Variants in ATXN10 observed in about 807,000 individuals in gnomAD.
ATXN10 encodes ataxin-10.
A neutral mutation model predicts 52.9 loss-of-function variants in ATXN10; 28 were observed. The ratio of observed to expected loss-of-function variants is 0.53; its 90% CI spans 0.39 to 0.73. The LOEUF is 0.73. ATXN10 is among the 30% of genes least tolerant of loss of function. The probability of loss-of-function intolerance (pLI) is 0.00; values close to 1 mark genes in which losing one functional copy is unlikely to be tolerated. For missense variants in ATXN10, 565 were observed against 577.0 expected (o/e 0.98, Z 0.21); for synonymous variants, 226 against 221.5 (o/e 1.02, Z -0.18).
chr22:45,793,050 C>A, intron 9 of ATXN10: 1 of 274,400 alleles, frequency 3.6e-6, no homozygotes. Context: ...GCAGTTGCTT[C>A]TCAGGACCGT....
rs1414591132 is a variant in ATXN10 at position 45,843,274 on chromosome 22, T to C, written c.1425+96T>C. ...AAGCACGAGGCTCTTTGTAAGAATA[T>C]GGATGGGAGAATTGTGCCCTCTATA... is the stretch of plus-strand genomic sequence containing the variant. On this transcript the variant is annotated intron_variant, in intron 11 of 11. Transcript: ENST00000252934. This position sits in a 1 kb window ranked among gnomAD's most constrained non-coding sequence, Gnocchi z 4.5. 1.5e-6 allele frequency: 2 copies of C among 1,339,914 alleles called. No individual in the cohort carries two copies. The highest frequency in any genetic ancestry group is 2.1e-6 in the Non-Finnish European group (2 of 942,324). The allele number at this position is 1,339,914 out of a possible 1,614,324, so 83.0% of individuals were successfully genotyped here.
At chr22:45,704,062 T>G (rs1168679116) in intron 5 of ATXN10, 1 of 151,762 alleles carries the variant, frequency 6.6e-6, no homozygotes, top group Non-Finnish European at 1.5e-5. Flanking sequence ...TCCCCTAGAC[T>G]CTGAAGATAC....
At chr22:45,695,731 A>G (rs1281194410) in intron 3 of ATXN10, among the ~76,000 whole-genome samples, 2 of 151,896 alleles carry the variant, frequency 1.3e-5, no homozygotes, top group African/African-American at 4.8e-5. Flanking sequence ...TGACCTCATA[A>G]TCTACCCACC....
At chr22:45,748,188 A>G (rs2146812153) in intron 9 of ATXN10, among the ~76,000 whole-genome samples, 1 of 152,250 alleles carries the variant, frequency 6.6e-6, no homozygotes, top group Non-Finnish European at 1.5e-5. Context: ...TTAAAAAAAA[A>G]AAAAAGTATA....
At position 45,823,832 on chromosome 22, in the gene ATXN10, A is replaced by G. The variant is rs913735920; in HGVS notation, c.1237+16810A>G. On this transcript the variant is annotated intron_variant, in intron 10 of 11. Coordinates refer to ENST00000252934, the MANE Select transcript of ATXN10 (RefSeq NM_013236.4). This position sits in a 1 kb window ranked among gnomAD's most constrained non-coding sequence, Gnocchi z 4.9. The stretch of plus-strand genomic sequence containing the variant: ...CAAAAAAGAGACACTGTGTGCTCCC[A>G]TGAAGGTTTCAGTATGGTAGGTGGG... Among the ~76,000 whole-genome samples the G allele has an allele frequency of 6.6e-6, 1 of 152,186 alleles. No homozygotes were observed. The highest frequency in any genetic ancestry group is 6.5e-5 in the Admixed American group (1 of 15,278).
chr22:45,751,737 C>A (rs60265006), intron 9 of ATXN10, among the ~76,000 whole-genome samples: 3 of 14,602 alleles, frequency 2.1e-4, no homozygotes, highest in Non-Finnish European at 2.9e-4. Context: ...CTACCTTTTT[C>A]TGGAAAAAAA....
At chr22:45,791,470 T>A (rs1218435052) in intron 9 of ATXN10, among the ~76,000 whole-genome samples, 1 of 152,118 alleles carries the variant, frequency 6.6e-6, no homozygotes, top group African/African-American at 2.4e-5. Flanking sequence ...TTAAAAAAGT[T>A]CTCTAGTTTT....
intron 1 of ATXN10, 56 bp from the exon 2 acceptor site, chr22:45,689,656 C>T (rs1436161951): frequency 3.3e-6 from 5 of 1,531,424 alleles, no homozygotes; most frequent in Non-Finnish European, 9.0e-7. Flanking sequence ...CTGAATAGGA[C>T]ATTTGGAAAT....
At position 45,832,365 on chromosome 22, in the gene ATXN10, A is replaced by G. The variant is rs1165909058; in HGVS notation, c.1238-10626A>G. On this transcript the variant is annotated intron_variant, in intron 10 of 11. Transcript: ENST00000252934. The stretch of plus-strand genomic sequence containing the variant: ...TGGAGGCGCTGTGTGGCCTGCTCCC[A>G]TCTGCACCCTCCTCCTCAGCTCTCC... Among the ~76,000 whole-genome samples, 3 of 152,192 alleles carry G rather than the reference A, an allele frequency of 2.0e-5. No homozygotes were observed. In the East Asian group the frequency reaches 5.8e-4, roughly 29 times the overall value.
chr22:45,798,431 T>TA (rs1288143340), intron 9 of ATXN10, among the ~76,000 whole-genome samples: 3 of 152,272 alleles, frequency 2.0e-5, no homozygotes, highest in South Asian at 4.1e-4. Flanking sequence ...GAGGAAACAA[T>TA]ATGATTATCT....
chr22:45,673,004 C>T (rs973546423), intron 1 of ATXN10: 2 of 152,224 alleles, frequency 1.3e-5, no homozygotes, highest in African/African-American at 2.4e-5. Context: ...CTTGTTCTGT[C>T]CTCTGGGCCT....
At chr22:45,832,354 G>A (rs188832612) in intron 10 of ATXN10, among the ~76,000 whole-genome samples, 8 of 152,254 alleles carry the variant, frequency 5.3e-5, no homozygotes, top group Admixed American at 3.9e-4. Flanking sequence ...GGCGCTGTGT[G>A]GCCTGCTCCC....
chr22:45,793,912 T>C, intron 9 of ATXN10: 2 of 1,217,344 alleles, frequency 1.6e-6, no homozygotes, highest in Non-Finnish European at 2.1e-6. Flanking sequence ...GAGGTGCTGC[T>C]CCTTGCAGAG....
rs947072318 is a variant in ATXN10, at chr22:45,787,122, G to A, written c.1174-19837G>A. On this transcript the variant is annotated intron_variant, in intron 9 of 11. Coordinates refer to ENST00000252934, the MANE Select transcript of ATXN10 (RefSeq NM_013236.4). This position sits in a 1 kb window ranked among gnomAD's most constrained non-coding sequence, Gnocchi z 4.2. ...ATTGTATGGAAAGATCTAAAATACT[G>A]TATATATAAAGATGATCTTCATTTT... Among the ~76,000 whole-genome samples, 1 of 152,112 alleles carries A rather than the reference G, an allele frequency of 6.6e-6. No individual in the cohort carries two copies. The highest frequency in any genetic ancestry group is 2.4e-5 in the African/African-American group (1 of 41,410).
At chr22:45,694,331 G>A (rs1244842668) in intron 3 of ATXN10, among the ~76,000 whole-genome samples, 2 of 152,026 alleles carry the variant, frequency 1.3e-5, no homozygotes, top group African/African-American at 4.8e-5. Context: ...AATACTTTAT[G>A]GGTAAACCTA....
intron 5 of ATXN10, among the ~76,000 whole-genome samples, chr22:45,707,792 TG>T (rs1181132164): frequency 3.9e-5 from 6 of 152,134 alleles, no homozygotes; most frequent in African/African-American, 1.4e-4. Context: ...CTTTGATTTA[TG>T]TGAGAGGAAC....
intron 7 of ATXN10, among the ~76,000 whole-genome samples, chr22:45,731,027 G>A (rs1304025506): frequency 6.6e-6 from 1 of 152,178 alleles, no homozygotes; most frequent in Non-Finnish European, 1.5e-5. Flanking sequence ...TTCAGGTCTT[G>A]TTTTATCAGG....
At chr22:45,782,235 C>T (rs1434793212) in intron 9 of ATXN10, among the ~76,000 whole-genome samples, 1 of 152,206 alleles carries the variant, frequency 6.6e-6, no homozygotes, top group Non-Finnish European at 1.5e-5. Flanking sequence ...CAGGATACAT[C>T]AACCAGCATT....
At position 45,772,383 on chromosome 22, in the gene ATXN10, C is replaced by T. The variant is rs117640613; in HGVS notation, c.1173+31845C>T. ...GCACCTTTGTCAAAGATCAAATGGC[C>T]CAATTTGTGTGGGTCTGTTTCCAGA... On this transcript the variant is annotated intron_variant, in intron 9 of 11. Transcript: ENST00000252934. The surrounding 1 kb of genome is among the most constrained non-coding windows in gnomAD (Gnocchi z 4.1). Among the ~76,000 whole-genome samples the T allele has an allele frequency of 6.5e-3, 982 of 152,076 alleles. 7 individuals carry two copies. The highest frequency in any genetic ancestry group is 0.017 in the South Asian group (80 of 4,798).
Sources: allele counts gnomAD v4.1 joint callset (sites outside exome capture counted in the v4.1 genomes callset), GRCh38; gene constraint gnomAD v4.1.1; non-coding constraint Gnocchi (gnomAD v3.1); transcripts MANE v1.5; gene names NCBI Gene and HGNC (gene_info 2026-07-23, HGNC 2026-07-21).